DOCK4: variants seen among roughly 807,000 people sequenced by gnomAD.
DOCK4 encodes dedicator of cytokinesis protein 4.
DOCK4 carries 97 observed loss-of-function variants against 268.1 expected under a neutral mutation model. The ratio of observed to expected loss-of-function variants is 0.36; its 90% CI spans 0.31 to 0.43. DOCK4 has a LOEUF of 0.43. Ranked by LOEUF, DOCK4 falls within the 20% of genes least tolerant of loss-of-function variation. The pLI is 1.00. For missense variants in DOCK4, 2,145 were observed against 2,455.7 expected, an observed-to-expected ratio of 0.87 and a Z score of 2.67; for synonymous variants, 954 against 887.2, an observed-to-expected ratio of 1.08 and a Z score of -1.34.
chr7:111,862,552 G>A (rs929443515), intron 23 of DOCK4, among the ~76,000 whole-genome samples: 7 of 131,204 alleles, frequency 5.3e-5, no homozygotes, highest in East Asian at 2.4e-4. Flanking sequence ...GTGCAGTGGC[G>A]CCATCTCAGC....
intron 23 of DOCK4, among the ~76,000 whole-genome samples, chr7:111,851,958 CTTTTTTTTTT>C (rs35969396): frequency 8.0e-6 from 1 of 124,962 alleles, no homozygotes; most frequent in Non-Finnish European, 1.6e-5. Context: ...TCTCTCCTTC[CTTTTTTTTTT>C]TTTTTTTTTT....
intron 1 of DOCK4, among the ~76,000 whole-genome samples, chr7:112,068,518 T>G (rs1807282939): frequency 6.6e-6 from 1 of 152,196 alleles, no homozygotes; most frequent in South Asian, 2.1e-4. Context: ...CCTCATAAAC[T>G]TATGGTGAGA....
At chr7:112,200,776 C>G (rs1029889527) in intron 1 of DOCK4, among the ~76,000 whole-genome samples, 4 of 144,158 alleles carry the variant, frequency 2.8e-5, no homozygotes, top group African/African-American at 5.0e-5. Flanking sequence ...AGCAGCATCT[C>G]TATGTGGCTT....
chr7:111,964,968 G>A (rs1270468684), intron 8 of DOCK4, among the ~76,000 whole-genome samples: 3 of 75,148 alleles, frequency 4.0e-5, no homozygotes, highest in Non-Finnish European at 6.9e-5. Context: ...CTTCATAAGT[G>A]AAGGAGAAAT....
chr7:111,950,101 A>AT (rs925288588), intron 8 of DOCK4, among the ~76,000 whole-genome samples: 2 of 151,970 alleles, frequency 1.3e-5, no homozygotes, highest in African/African-American at 4.8e-5. Context: ...TAATTTTTAG[A>AT]TTTTTTGTAG....
intron 8 of DOCK4, among the ~76,000 whole-genome samples, chr7:111,975,836 C>T (rs758601051): frequency 2.6e-5 from 4 of 151,780 alleles, no homozygotes; most frequent in Admixed American, 1.3e-4. Flanking sequence ...AACTATTTTA[C>T]CAGAAAAGAA....
At chr7:111,868,611 G>C (rs1026157150) in intron 21 of DOCK4, among the ~76,000 whole-genome samples, 1 of 152,042 alleles carries the variant, frequency 6.6e-6, no homozygotes, top group Non-Finnish European at 1.5e-5. Context: ...TTGGGAGGCT[G>C]AGGCAGGAGA....
At chr7:111,984,250 C>T (rs751463274) in intron 7 of DOCK4, 56 bp downstream of exon 7, 31 of 1,460,900 alleles carry the variant, frequency 2.1e-5, no homozygotes, top group African/African-American at 8.4e-5. Flanking sequence ...ATGAGGAGTG[C>T]CATGGAAACC....
intron 12 of DOCK4, among the ~76,000 whole-genome samples, chr7:111,921,388 A>G (rs759673623): frequency 6.6e-6 from 1 of 152,208 alleles, no homozygotes; most frequent in Non-Finnish European, 1.5e-5. Flanking sequence ...CATTTATTCT[A>G]TAAGTTGGCT....
intron 8 of DOCK4, among the ~76,000 whole-genome samples, chr7:111,969,879 T>C (rs988272424): frequency 6.6e-6 from 1 of 152,138 alleles, no homozygotes; most frequent in African/African-American, 2.4e-5. Context: ...TGCTAAGTAG[T>C]TTGCTTGTAT....
chr7:112,103,656 C>T (rs1456608229), intron 1 of DOCK4, among the ~76,000 whole-genome samples: 2 of 152,098 alleles, frequency 1.3e-5, no homozygotes, highest in East Asian at 1.9e-4. Context: ...CCGAAGCAGA[C>T]GAATCACTTG....
chr7:112,097,257 T>G (rs259299), intron 1 of DOCK4, among the ~76,000 whole-genome samples: 59,171 of 152,022 alleles, frequency 0.39, 11,731 homozygotes, highest in Non-Finnish European at 0.43. Context: ...AGTTTAAAAC[T>G]TTCTAGGAGA....
intron 8 of DOCK4, among the ~76,000 whole-genome samples, chr7:111,963,473 C>T: frequency 9.6e-6 from 1 of 104,252 alleles, no homozygotes; most frequent in African/African-American, 5.4e-5. Flanking sequence ...CGGGTCACTC[C>T]CACCCGAATA....
chr7:112,035,350 T>C (rs528297537), intron 1 of DOCK4, among the ~76,000 whole-genome samples: 3 of 151,658 alleles, frequency 2.0e-5, no homozygotes, highest in South Asian at 2.1e-4. Flanking sequence ...CAAAGACATA[T>C]GTAAACTAAG....
At chr7:111,746,300 A>AAAAT (rs1418392617) in intron 44 of DOCK4, 34 bp downstream of exon 44, 3 of 1,583,748 alleles carry the variant, frequency 1.9e-6, no homozygotes, top group Non-Finnish European at 2.6e-6. Context: ...ATATCCAGGC[A>AAAAT]AAATAGAAGG....
chr7:112,121,272 T>A (rs1300062101), intron 1 of DOCK4, among the ~76,000 whole-genome samples: 1 of 152,230 alleles, frequency 6.6e-6, no homozygotes, highest in Non-Finnish European at 1.5e-5. Context: ...ATTTTCTGTA[T>A]CCTTGGATAA....
chr7:112,156,556 AT>A (rs1250609055), intron 1 of DOCK4, among the ~76,000 whole-genome samples: 1 of 152,202 alleles, frequency 6.6e-6, no homozygotes, highest in Non-Finnish European at 1.5e-5. Context: ...CCCACATAAA[AT>A]TGTTTAAATG....
intron 1 of DOCK4, among the ~76,000 whole-genome samples, chr7:112,082,127 G>A (rs1407669712): frequency 6.6e-6 from 1 of 152,098 alleles, no homozygotes; most frequent in African/African-American, 2.4e-5. Context: ...CATAGTAAAT[G>A]GTAGGAAGGG....
At chr7:111,960,953 A>G (rs1042618480) in intron 8 of DOCK4, among the ~76,000 whole-genome samples, 3 of 152,148 alleles carry the variant, frequency 2.0e-5, no homozygotes, top group Non-Finnish European at 4.4e-5. Context: ...TGTTGACTCC[A>G]TATCTTAGCT....
Sources: allele counts gnomAD v4.1 joint callset (sites outside exome capture counted in the v4.1 genomes callset), GRCh38; gene constraint gnomAD v4.1.1; transcripts MANE v1.5; gene names NCBI Gene and HGNC (gene_info 2026-07-23, HGNC 2026-07-21).